The following LRMDA variants were observed in gnomAD, a reference collection of about 807,000 sequenced individuals.
The protein encoded by LRMDA is leucine-rich melanocyte differentiation-associated protein.
Under a neutral mutation model 29.8 loss-of-function variants are expected in LRMDA, and 18 were observed. The ratio of observed to expected loss-of-function variants is 0.60; its 90% CI spans 0.42 to 0.90. The LOEUF is 0.90. Ranked by LOEUF, LRMDA falls within the 40% of genes least tolerant of loss-of-function variation. The pLI, the probability that LRMDA is intolerant of heterozygous loss-of-function variation, is 0.00. For synonymous variants in LRMDA, 125 were observed against 109.4 expected (o/e 1.14, Z -0.89); for missense variants, 273 against 273.9 (o/e 1.00, Z 0.02).
chr10:76,354,570 T>C (rs905601038), intron 6 of LRMDA, among the ~76,000 whole-genome samples: 2 of 152,202 alleles, frequency 1.3e-5, no homozygotes, highest in African/African-American at 4.8e-5. Flanking sequence ...AGCTGCTTCC[T>C]GGTCCTCTGC....
At chr10:76,004,936 C>T (rs755167509) in intron 2 of LRMDA, among the ~76,000 whole-genome samples, 25 of 151,994 alleles carry the variant, frequency 1.6e-4, no homozygotes, top group Non-Finnish European at 2.9e-5. Context: ...ACCTTGTTAG[C>T]CAGGATGGTC....
intron 2 of LRMDA, among the ~76,000 whole-genome samples, chr10:75,698,461 G>A (rs1404958736): frequency 6.6e-6 from 1 of 152,198 alleles, no homozygotes; most frequent in East Asian, 1.9e-4. Flanking sequence ...CTACAGATGA[G>A]CAGGGAATAA....
chr10:75,904,823 T>G (rs1418997470), intron 2 of LRMDA, among the ~76,000 whole-genome samples: 1 of 152,228 alleles, frequency 6.6e-6, no homozygotes, highest in African/African-American at 2.4e-5. Context: ...TGGCAGTTAA[T>G]TCTCGTGACC....
intron 2 of LRMDA, among the ~76,000 whole-genome samples, chr10:75,665,767 C>A (rs1323101262): frequency 6.6e-6 from 1 of 152,138 alleles, no homozygotes; most frequent in African/African-American, 2.4e-5. Flanking sequence ...TTATCTATGC[C>A]TTACATTGTC....
At chr10:76,059,254 A>G (rs765204747) in intron 5 of LRMDA, among the ~76,000 whole-genome samples, 1 of 152,182 alleles carries the variant, frequency 6.6e-6, no homozygotes, top group Non-Finnish European at 1.5e-5. Flanking sequence ...TTAGTGTGGA[A>G]GGTGATGTTT....
At chr10:75,495,102 G>C (rs1033299294) in intron 2 of LRMDA, among the ~76,000 whole-genome samples, 3 of 152,192 alleles carry the variant, frequency 2.0e-5, no homozygotes, top group Admixed American at 1.3e-4. Flanking sequence ...CTTTTACCTG[G>C]GTGGCAATGT....
At chr10:76,056,396 ATGG>A (rs1373134282) in intron 4 of LRMDA, among the ~76,000 whole-genome samples, 1 of 152,204 alleles carries the variant, frequency 6.6e-6, no homozygotes, top group Non-Finnish European at 1.5e-5. Flanking sequence ...CTCTGGCCTG[ATGG>A]TGGGGTTTCA....
intron 2 of LRMDA, among the ~76,000 whole-genome samples, chr10:75,623,891 G>A (rs767466085): frequency 2.0e-5 from 3 of 152,178 alleles, no homozygotes; most frequent in Non-Finnish European, 4.4e-5. Context: ...GCTGGCAGCC[G>A]AACTAATTTG....
At chr10:75,983,477 C>T (rs1048729890) in intron 2 of LRMDA, among the ~76,000 whole-genome samples, 1 of 152,134 alleles carries the variant, frequency 6.6e-6, no homozygotes, top group Non-Finnish European at 1.5e-5. Flanking sequence ...GAATCCTTCA[C>T]ATATATGTGT....
intron 5 of LRMDA, among the ~76,000 whole-genome samples, chr10:76,106,973 T>TC (rs1264970206): frequency 6.6e-6 from 1 of 152,100 alleles, no homozygotes; most frequent in African/African-American, 2.4e-5. Context: ...TTCTAAAATA[T>TC]TCCCCCTGGA....
intron 5 of LRMDA, among the ~76,000 whole-genome samples, chr10:76,066,099 T>C (rs1211287439): frequency 6.6e-6 from 1 of 152,194 alleles, no homozygotes; most frequent in African/African-American, 2.4e-5. Flanking sequence ...CCACACACCC[T>C]ACCTCTGCTG....
intron 5 of LRMDA, among the ~76,000 whole-genome samples, chr10:76,217,824 T>A (rs367899929): frequency 1.3e-5 from 2 of 152,292 alleles, no homozygotes; most frequent in East Asian, 1.9e-4. Flanking sequence ...ATTACCCTCT[T>A]CTCTTACTTT....
chr10:76,077,487 G>T (rs1445204782), intron 5 of LRMDA, among the ~76,000 whole-genome samples: 2 of 152,064 alleles, frequency 1.3e-5, no homozygotes, highest in Non-Finnish European at 2.9e-5. Flanking sequence ...CACTGGGAAA[G>T]AAAAATATTC....
intron 5 of LRMDA, among the ~76,000 whole-genome samples, chr10:76,243,931 G>A (rs186295214): frequency 1.4e-4 from 21 of 152,288 alleles, no homozygotes; most frequent in Admixed American, 1.3e-3. Flanking sequence ...GGATAATCCA[G>A]GGGGGCTATA....
chr10:76,255,613 C>A (rs1852579863), intron 5 of LRMDA, among the ~76,000 whole-genome samples: 1 of 152,152 alleles, frequency 6.6e-6, no homozygotes, highest in African/African-American at 2.4e-5. Context: ...CTTTCCTCAA[C>A]CAAGAAGATG....
intron 2 of LRMDA, among the ~76,000 whole-genome samples, chr10:75,551,557 C>T (rs1840150534): frequency 6.6e-6 from 1 of 151,460 alleles, no homozygotes; most frequent in South Asian, 2.1e-4. Flanking sequence ...TTGTTCAGCT[C>T]CCACTTATGA....
intron 6 of LRMDA, among the ~76,000 whole-genome samples, chr10:76,521,056 T>C (rs1384726074): frequency 6.6e-6 from 1 of 152,152 alleles, no homozygotes; most frequent in Non-Finnish European, 1.5e-5. Flanking sequence ...GTAACTCTAG[T>C]GAACTTACAA....
intron 2 of LRMDA, among the ~76,000 whole-genome samples, chr10:75,487,737 T>C (rs1844932506): frequency 6.6e-6 from 1 of 152,184 alleles, no homozygotes; most frequent in Non-Finnish European, 1.5e-5. Context: ...ATGCAAGCAC[T>C]CTCAGTGTCC....
At chr10:75,940,322 T>G (rs773122746) in intron 2 of LRMDA, among the ~76,000 whole-genome samples, 31 of 152,130 alleles carry the variant, frequency 2.0e-4, no homozygotes, top group Non-Finnish European at 4.1e-4. Flanking sequence ...CTCCTCATAC[T>G]ACACACCTGG....
Sources: gnomAD v4.1 joint callset for allele counts (sites outside exome capture counted in the v4.1 genomes callset) on GRCh38, gnomAD v4.1.1 for gene constraint, MANE v1.5 for transcripts, NCBI Gene and HGNC (gene_info 2026-07-23, HGNC 2026-07-21) for gene names.